ALDH1A1: variants seen among roughly 807,000 people sequenced by gnomAD.
ALDH1A1 encodes aldehyde dehydrogenase 1 family member A1.
Under a neutral mutation model 62.1 loss-of-function variants are expected in ALDH1A1, and 19 were observed. That is an observed-to-expected ratio of 0.31 (90% CI 0.21 to 0.45). The LOEUF is 0.45. ALDH1A1 is among the 20% of genes least tolerant of loss of function. ALDH1A1 has a pLI of 1.00. For missense variants in ALDH1A1, 521 were observed against 607.1 expected (o/e 0.86, Z 1.49); for synonymous variants, 231 against 215.9 (o/e 1.07, Z -0.61).
intron 9 of ALDH1A1, among the ~76,000 whole-genome samples, chr9:72,913,130 A>T (rs2118499144): frequency 6.6e-6 from 1 of 152,170 alleles, no homozygotes; most frequent in Non-Finnish European, 1.5e-5. Flanking sequence ...CTCTTCTCTG[A>T]CTCTGCAAAT....
chr9:72,931,530 G>C (rs1830282678), intron 2 of ALDH1A1, among the ~76,000 whole-genome samples: 1 of 152,106 alleles, frequency 6.6e-6, no homozygotes. Flanking sequence ...TTAGTGACTG[G>C]GTTACAGGAA....
chr9:72,931,906 C>T (rs1830285836), intron 2 of ALDH1A1, among the ~76,000 whole-genome samples: 1 of 152,184 alleles, frequency 6.6e-6, no homozygotes, highest in Admixed American at 6.5e-5. Flanking sequence ...TTCAGTGTAG[C>T]CTCCTGTCCT....
In ALDH1A1 at chr9:72,905,944, A is replaced by C; in HGVS notation, c.1433+14T>G. The C allele has an allele frequency of 6.3e-7, 1 of 1,578,738 alleles. No individual in the cohort carries two copies. Among genetic ancestry groups the C allele is most frequent in the Non-Finnish European group, 8.7e-7 (1 of 1,153,546 alleles). On this transcript the variant is annotated intron_variant, in intron 12 of 12. Coordinates refer to ENST00000297785, the MANE Select transcript of ALDH1A1 (RefSeq NM_000689.5). ...TAAAAATAAATATTTATCTTAATAG[A>C]ACGTTAATCTTACAGTTCTCTTCCA...
chr9:72,912,267 A>T, intron 9 of ALDH1A1, 145 bp from the exon 10 acceptor site: 1 of 647,100 alleles, frequency 1.5e-6, no homozygotes, highest in East Asian at 2.7e-5. Context: ...AGAGGTTCAG[A>T]TTCATTCTTT....
intron 6 of ALDH1A1, 140 bp downstream of exon 6, chr9:72,925,344 C>G: frequency 1.1e-6 from 1 of 951,202 alleles, no homozygotes; most frequent in Non-Finnish European, 1.5e-6. Context: ...TTGCAGCCAG[C>G]CGTCATGCTA....
At position 72,905,948 on chromosome 9, in the gene ALDH1A1, T is replaced by A. The variant is rs764380819; in HGVS notation, c.1433+10A>T. ...AATAAATATTTATCTTAATAGAACG[T>A]TAATCTTACAGTTCTCTTCCATTTC... On this transcript the variant is annotated intron_variant, in intron 12 of 12. Transcript: ENST00000297785. The A allele has an allele frequency of 1.3e-6, 2 of 1,585,962 alleles. No homozygotes were observed. The highest frequency in any genetic ancestry group is 1.7e-6 in the Non-Finnish European group (2 of 1,158,622).
intron 11 of ALDH1A1, among the ~76,000 whole-genome samples, chr9:72,908,006 A>G (rs10781106): frequency 0.43 from 64,929 of 151,902 alleles, 14,977 homozygotes; most frequent in South Asian, 0.58. Flanking sequence ...TTTAAACTAT[A>G]CACTGATATA....
At chr9:72,925,384 T>C in intron 6 of ALDH1A1, 100 bp downstream of exon 6, 2 of 1,383,518 alleles carry the variant, frequency 1.4e-6, no homozygotes, top group Non-Finnish European at 2.0e-6. Flanking sequence ...ACAGGAGCCA[T>C]CTGTAAATAA....
intron 11 of ALDH1A1, among the ~76,000 whole-genome samples, chr9:72,908,593 AAGAAAG>A (rs1343914729): frequency 6.8e-6 from 1 of 147,234 alleles, no homozygotes; most frequent in Non-Finnish European, 1.5e-5. Context: ...GAAAGAAAGA[AAGAAAG>A]AAAGAAAGAA....
At chr9:72,911,153 C>A (rs1266395644) in intron 10 of ALDH1A1, among the ~76,000 whole-genome samples, 1 of 151,842 alleles carries the variant, frequency 6.6e-6, no homozygotes, top group Non-Finnish European at 1.5e-5. Context: ...TACAGACACA[C>A]ATATATACAC....
chr9:72,921,040 G>A (rs927185869), intron 7 of ALDH1A1, among the ~76,000 whole-genome samples: 1 of 152,156 alleles, frequency 6.6e-6, no homozygotes, highest in Non-Finnish European at 1.5e-5. Flanking sequence ...GAGGTCAAGA[G>A]ATCGAGACCA....
intron 7 of ALDH1A1, 89 bp downstream of exon 7, chr9:72,923,930 A>T: frequency 1.2e-6 from 1 of 866,064 alleles, no homozygotes; most frequent in Admixed American, 2.8e-5. Context: ...TTGTTTTAAA[A>T]TTGTTGGCTC....
rs1182140682 is a variant in ALDH1A1 at position 72,909,635 on chromosome 9, G to C, written c.1325C>G (p.Thr442Arg). Residue 442 changes from threonine (T) to arginine (R), a missense_variant, in exon 11 of 13, where the codon ACA (threonine) becomes AGA (arginine). Transcript: ENST00000297785. Reference protein sequence around the residue: ...VFTKDIDKAITISSALQAGTV... With the variant: ...VFTKDIDKAIRISSALQAGTV... ...TCCTGCCTGCAGAGCAGAGGAGATTGTTATGGCTTTATCAATGTCTTTGGT... is the reference window on the plus strand; with the variant it reads ...TCCTGCCTGCAGAGCAGAGGAGATTCTTATGGCTTTATCAATGTCTTTGGT... 1 of 1,613,948 alleles carries C rather than the reference G, an allele frequency of 6.2e-7. No homozygotes were observed. Among genetic ancestry groups the C allele is most frequent in the Non-Finnish European group, 8.5e-7 (1 of 1,179,914 alleles).
chr9:72,949,345 G>C (rs1165294215), intron 1 of ALDH1A1, among the ~76,000 whole-genome samples: 2 of 151,884 alleles, frequency 1.3e-5, no homozygotes, highest in Non-Finnish European at 2.9e-5. Flanking sequence ...TGAAAGTCAG[G>C]ATGAAGAAGG....
intron 11 of ALDH1A1, among the ~76,000 whole-genome samples, chr9:72,908,890 A>G (rs145626488): frequency 2.0e-5 from 3 of 152,304 alleles, no homozygotes; most frequent in Non-Finnish European, 2.9e-5. Flanking sequence ...TCAAAATTCA[A>G]TCTTTCAAAA....
At chr9:72,911,919 A>T (rs747862603) in intron 10 of ALDH1A1, 39 bp downstream of exon 10, 9 of 1,610,832 alleles carry the variant, frequency 5.6e-6, no homozygotes, top group African/African-American at 2.7e-5. Context: ...CAGACAAAAC[A>T]TGGCAACAAA....
intron 1 of ALDH1A1, among the ~76,000 whole-genome samples, chr9:72,952,678 A>G (rs1173172623): frequency 6.6e-6 from 1 of 152,002 alleles, no homozygotes; most frequent in East Asian, 1.9e-4. Flanking sequence ...GAATCCTGGT[A>G]TAAGAATCCT....
intron 7 of ALDH1A1, 161 bp downstream of exon 7, chr9:72,923,858 T>A (rs1487262903): frequency 2.2e-6 from 1 of 460,680 alleles, no homozygotes; most frequent in Non-Finnish European, 3.8e-6. Context: ...AAACTACATC[T>A]GCTTATATTC....
intron 1 of ALDH1A1, among the ~76,000 whole-genome samples, chr9:72,944,032 G>T (rs1355769430): frequency 6.6e-6 from 1 of 152,098 alleles, no homozygotes; most frequent in Admixed American, 6.6e-5. Context: ...GAATGGAGTT[G>T]CAGTGGACAT....
Sources: allele counts gnomAD v4.1 joint callset (sites outside exome capture counted in the v4.1 genomes callset), GRCh38; gene constraint gnomAD v4.1.1; transcripts MANE v1.5; gene names NCBI Gene and HGNC (gene_info 2026-07-23, HGNC 2026-07-21).